The following CMBL variants were observed in gnomAD, a reference collection of about 807,000 sequenced individuals.
CMBL encodes the protein carboxymethylenebutenolidase homolog.
Under a neutral mutation model 28.7 loss-of-function variants are expected in CMBL, and 17 were observed. The observed-to-expected ratio is 0.59, with a 90% CI of 0.41 to 0.89. The LOEUF (loss-of-function observed/expected upper bound fraction) is 0.89. Among genes scored for constraint, CMBL ranks in the 40% least tolerant of loss-of-function variants. CMBL has a pLI of 0.00. For synonymous variants in CMBL, 106 were observed against 101.6 expected, an observed-to-expected ratio of 1.04 and a Z score of -0.26; for missense variants, 310 against 298.5, an observed-to-expected ratio of 1.04 and a Z score of -0.28.
chr5:10,302,611 A>G (rs1244618976), intron 1 of CMBL, among the ~76,000 whole-genome samples: 3 of 152,088 alleles, frequency 2.0e-5, no homozygotes, highest in African/African-American at 7.2e-5. Context: ...AAAAAAAAAA[A>G]AAGACAGGAA....
intron 1 of CMBL, among the ~76,000 whole-genome samples, chr5:10,293,316 T>TC (rs1469808549): frequency 1.3e-5 from 2 of 152,198 alleles, no homozygotes; most frequent in Middle Eastern, 3.2e-3. Context: ...GGCTGGGAAG[T>TC]CGCAGTTCAA....
At chr5:10,299,450 A>G (rs1324736305) in intron 1 of CMBL, among the ~76,000 whole-genome samples, 1 of 152,144 alleles carries the variant, frequency 6.6e-6, no homozygotes, top group African/African-American at 2.4e-5. Flanking sequence ...GGGCATGTGA[A>G]ATGATACAAA....
chr5:10,282,462 C>A (rs1387699841), intron 4 of CMBL, among the ~76,000 whole-genome samples, 174 bp from the exon 5 acceptor site: 1 of 152,018 alleles, frequency 6.6e-6, no homozygotes, highest in East Asian at 1.9e-4. Flanking sequence ...TTAGCCATTC[C>A]ACAGAAGTGG....
chr5:10,280,295 G>T lies in CMBL; in HGVS notation c.*158C>A. On this transcript the variant is annotated 3_prime_UTR_variant, in exon 6 of 6. Coordinates refer to ENST00000296658, the MANE Select transcript of CMBL (RefSeq NM_138809.4). ...CATGTCAAAAATTAAATTATTTCAT[G>T]CATTACGTCCTACTGAATTTGTGTT... The T allele has an allele frequency of 1.9e-6, 1 of 530,026 alleles. No individual in the cohort carries two copies. The highest frequency in any genetic ancestry group is 3.3e-6 in the Non-Finnish European group (1 of 306,944). The allele number at this position is 530,026 out of a possible 1,614,324, so 32.8% of individuals were successfully genotyped here.
rs201094508 is a variant in CMBL, at chr5:10,282,736, T to A, written c.467-448A>T. On this transcript the variant is annotated intron_variant, in intron 4 of 5. Transcript: ENST00000296658. The stretch of plus-strand genomic sequence containing the variant: ...AAAGTTGAGGCTGCAGTGAGCCGTT[T>A]GTGCCACTGCACTCCAGCTTGGGCA... Among the ~76,000 whole-genome samples, 34 of 152,174 alleles carry A rather than the reference T, an allele frequency of 2.2e-4. No individual in the cohort carries two copies. In the East Asian group the frequency reaches 5.4e-3, roughly 24 times the overall value.
rs1747022156 is a variant in CMBL at position 10,307,659 on chromosome 5, C to G, written c.-54G>C. The G allele has an allele frequency of 6.6e-6, 1 of 152,380 alleles. No homozygotes were observed. The highest frequency in any genetic ancestry group is 1.5e-5 in the Non-Finnish European group (1 of 68,238). The allele number at this position is 152,380 out of a possible 1,614,324, so 9.4% of individuals were successfully genotyped here. On this transcript the variant is annotated 5_prime_UTR_variant, in exon 1 of 6. Coordinates refer to ENST00000296658, the MANE Select transcript of CMBL (RefSeq NM_138809.4). ...CGGCCTGAGACTGCGCTGCACCGCG[C>G]GGAGGCCGAACCCAGAGGAGGCGGC...
At chr5:10,281,449 C>A (rs559381109) in intron 5 of CMBL, among the ~76,000 whole-genome samples, 1 of 152,262 alleles carries the variant, frequency 6.6e-6, no homozygotes, top group East Asian at 1.9e-4. Context: ...AACTCTCAGC[C>A]TCAATCAATC....
intron 5 of CMBL, among the ~76,000 whole-genome samples, chr5:10,281,033 CA>C (rs1240575530): frequency 6.6e-6 from 1 of 152,240 alleles, no homozygotes; most frequent in Non-Finnish European, 1.5e-5. Flanking sequence ...CTCTGCCTCC[CA>C]ATGTGTTGGG....
chr5:10,302,576 G>A (rs76073726), intron 1 of CMBL, among the ~76,000 whole-genome samples: 7,243 of 151,270 alleles, frequency 0.048, 290 homozygotes, highest in South Asian at 0.13. Context: ...TTGAACCCAG[G>A]AGGTTGCAGC....
intron 2 of CMBL, chr5:10,290,271 G>T: frequency 2.3e-6 from 1 of 440,326 alleles, no homozygotes; most frequent in Non-Finnish European, 4.2e-6. Flanking sequence ...TCTGGCTGAG[G>T]CCCCACACGG....
intron 1 of CMBL, among the ~76,000 whole-genome samples, chr5:10,303,631 G>A (rs1181489368): frequency 6.6e-6 from 1 of 152,108 alleles, no homozygotes; most frequent in Non-Finnish European, 1.5e-5. Flanking sequence ...CCAACCAACT[G>A]ACTGGATCAT....
At chr5:10,287,742 GCT>G (rs1289654020) in intron 3 of CMBL, among the ~76,000 whole-genome samples, 2 of 150,092 alleles carry the variant, frequency 1.3e-5, no homozygotes, top group Non-Finnish European at 3.0e-5. Flanking sequence ...ATGGAGTCTC[GCT>G]CTGTCCCCCA....
Position 10,290,784 on chromosome 5 carries a change from A to G in CMBL, c.-19-3T>C, listed in dbSNP as rs1251901439. 6 of 1,598,888 alleles carry G rather than the reference A, an allele frequency of 3.8e-6. No individual in the cohort carries two copies. The highest frequency in any genetic ancestry group is 1.7e-5 in the Admixed American group (1 of 59,978). On this transcript the variant is annotated splice_polypyrimidine_tract_variant and splice_region_variant and intron_variant, in intron 1 of 5. Coordinates refer to ENST00000296658, the MANE Select transcript of CMBL (RefSeq NM_138809.4). ...CCATTGCAGAGATTTAAGTCGGGCT[A>G]TGGAGAGAGAAACATGCGTTATATT...
At chr5:10,292,156 A>G (rs1252842437) in intron 1 of CMBL, 1 of 152,242 alleles carries the variant, frequency 6.6e-6, no homozygotes, top group Non-Finnish European at 1.5e-5. Context: ...GCCTAAATTT[A>G]AATAAATGGA....
At chr5:10,287,414 A>G (rs1463482092) in intron 3 of CMBL, among the ~76,000 whole-genome samples, 3 of 147,880 alleles carry the variant, frequency 2.0e-5, no homozygotes, top group East Asian at 2.1e-4. Context: ...GTTCTCACTT[A>G]TAAGTGGAAG....
intron 1 of CMBL, among the ~76,000 whole-genome samples, chr5:10,305,220 G>A (rs999864284): frequency 6.6e-6 from 1 of 151,712 alleles, no homozygotes; most frequent in African/African-American, 2.4e-5. Context: ...GGACACCCTG[G>A]TGGCCATGTT....
intron 4 of CMBL, among the ~76,000 whole-genome samples, chr5:10,285,384 G>C (rs1176804729): frequency 1.3e-5 from 2 of 151,966 alleles, no homozygotes. Flanking sequence ...GGCCAGGCTG[G>C]TCTCGAACTA....
At chr5:10,281,897 C>T (rs908674253) in intron 5 of CMBL, among the ~76,000 whole-genome samples, 1 of 139,980 alleles carries the variant, frequency 7.1e-6, no homozygotes, top group Non-Finnish European at 1.5e-5. Flanking sequence ...TGGTGGCTCA[C>T]ACCCATAATC....
rs117372025 is a variant in CMBL at position 10,292,404 on chromosome 5, G to T, written c.-19-1623C>A. On this transcript the variant is annotated intron_variant, in intron 1 of 5. Transcript: ENST00000296658. ...AGAATAAAAATTTTATACAGACAAG[G>T]TCTCATTATATTGTCCAGGTTGGTC... 3.2e-4 allele frequency among the ~76,000 whole-genome samples: 48 copies of T among 152,116 alleles called. 1 individual carries two copies. In the East Asian group the frequency reaches 9.3e-3, roughly 29 times the overall value.
Sources: allele counts gnomAD v4.1 joint callset (sites outside exome capture counted in the v4.1 genomes callset), GRCh38; gene constraint gnomAD v4.1.1; transcripts MANE v1.5; gene names NCBI Gene and HGNC (gene_info 2026-07-23, HGNC 2026-07-21).